Variants in KCNMB2 observed in about 807,000 individuals in gnomAD.
KCNMB2 encodes potassium calcium-activated channel subfamily M regulatory beta subunit 2.
In KCNMB2, 9 loss-of-function variants were observed where a neutral mutation model predicts 24.5. The observed-to-expected ratio is 0.37, with a 90% CI of 0.22 to 0.64. KCNMB2 has a LOEUF of 0.64. Among genes scored for constraint, KCNMB2 ranks in the 30% least tolerant of loss-of-function variants. KCNMB2 has a pLI of 0.63. For missense variants in KCNMB2, 226 were observed against 284.3 expected, an observed-to-expected ratio of 0.79 and a Z score of 1.47; for synonymous variants, 109 against 104.4, an observed-to-expected ratio of 1.04 and a Z score of -0.27.
rs116414843 is a variant in KCNMB2 at position 178,732,250 on chromosome 3, A to G, written c.-67-75093A>G. 6.6e-3 allele frequency among the ~76,000 whole-genome samples: 1,012 copies of G among 152,342 alleles called. 17 individuals are homozygous for G. The highest frequency in any genetic ancestry group is 0.023 in the African/African-American group (957 of 41,590). On this transcript the variant is annotated intron_variant, in intron 1 of 4. Coordinates refer to ENST00000452583, the MANE Select transcript of KCNMB2 (RefSeq NM_181361.3). ...TTTTTTAAAAGAATCTCTATTGAAAATAGATACTAATCTACAGTAGGTTTT... is the reference window on the plus strand; with the variant it reads ...TTTTTTAAAAGAATCTCTATTGAAAGTAGATACTAATCTACAGTAGGTTTT...
chr3:178,844,202 T>C lies in KCNMB2; in HGVS notation c.*1265T>C, dbSNP rs1177607386. ...ATCAAAAGAAGAAGACAAACATCTA[T>C]CTTTCTCATCTATATTTAAGTACCT... is the stretch of plus-strand genomic sequence containing the variant. On this transcript the variant is annotated 3_prime_UTR_variant, in exon 5 of 5. Coordinates refer to ENST00000452583, the MANE Select transcript of KCNMB2 (RefSeq NM_181361.3). 2 of 152,688 alleles carry C rather than the reference T, an allele frequency of 1.3e-5. No homozygotes were observed. The highest frequency in any genetic ancestry group is 1.9e-4 in the East Asian group (1 of 5,194). The allele number at this position is 152,688 out of a possible 1,614,324, so 9.5% of individuals were successfully genotyped here.
chr3:178,594,854 A>G (rs897034345), intron 1 of KCNMB2, among the ~76,000 whole-genome samples: 19 of 152,194 alleles, frequency 1.2e-4, no homozygotes, highest in African/African-American at 4.6e-4. Context: ...ACAATACTAA[A>G]GTTTCATATG....
intron 1 of KCNMB2, among the ~76,000 whole-genome samples, chr3:178,606,913 A>T (rs529277722): frequency 5.4e-4 from 83 of 152,332 alleles, no homozygotes; most frequent in Middle Eastern, 3.4e-3. Context: ...TCATGTGAAG[A>T]CACAGCAAAA....
At chr3:178,559,580 A>G (rs1716243106) in intron 1 of KCNMB2, among the ~76,000 whole-genome samples, 1 of 151,296 alleles carries the variant, frequency 6.6e-6, no homozygotes, top group Non-Finnish European at 1.5e-5. Flanking sequence ...TTATCCAAAT[A>G]TGTATTTTAT....
At chr3:178,824,577 T>G (rs1425718633) in intron 2 of KCNMB2, 1 of 167,558 alleles carries the variant, frequency 6.0e-6, no homozygotes, top group African/African-American at 2.4e-5. Context: ...GGTTTCACCA[T>G]GTTAGCCAGG....
intron 1 of KCNMB2, among the ~76,000 whole-genome samples, chr3:178,602,575 G>C (rs1022700377): frequency 1.7e-5 from 2 of 119,052 alleles, no homozygotes; most frequent in East Asian, 4.2e-4. Context: ...TTCGGGGGTG[G>C]GGGGGAGGAG....
chr3:178,664,660 A>T (rs1720654479), intron 1 of KCNMB2, among the ~76,000 whole-genome samples: 1 of 151,990 alleles, frequency 6.6e-6, no homozygotes, highest in East Asian at 1.9e-4. Flanking sequence ...TCTTTTTATA[A>T]ATCTCCCACA....
At position 178,757,335 on chromosome 3, in the gene KCNMB2, T is replaced by C. The variant is rs1292528821; in HGVS notation, c.-67-50008T>C. Among the ~76,000 whole-genome samples, 7 of 101,798 alleles carry C rather than the reference T, an allele frequency of 6.9e-5. 1 individual carries two copies. The highest frequency in any genetic ancestry group is 1.4e-4 in the Non-Finnish European group (7 of 51,610). 66.8% of individuals were successfully genotyped at this position (101,798 alleles called of 152,430 possible). ...ATCCAAGAGGACATATATATATGTA[T>C]ATATATCCAAGAGGATATATATATA... On this transcript the variant is annotated intron_variant, in intron 1 of 4. Coordinates refer to ENST00000452583, the MANE Select transcript of KCNMB2 (RefSeq NM_181361.3).
chr3:178,600,307 T>C (rs1429436527), intron 1 of KCNMB2, among the ~76,000 whole-genome samples: 2 of 152,222 alleles, frequency 1.3e-5, no homozygotes, highest in Non-Finnish European at 2.9e-5. Context: ...TGTTTATTCA[T>C]TTGTCCATCA....
chr3:178,704,568 C>CAA (rs1300371832), intron 1 of KCNMB2, among the ~76,000 whole-genome samples: 1 of 151,462 alleles, frequency 6.6e-6, no homozygotes, highest in East Asian at 1.9e-4. Context: ...TCTATCATTG[C>CAA]AAAAAAAAAT....
intron 1 of KCNMB2, among the ~76,000 whole-genome samples, chr3:178,796,805 C>T (rs934803406): frequency 1.3e-5 from 2 of 151,816 alleles, no homozygotes; most frequent in African/African-American, 2.4e-5. Flanking sequence ...AGTAGAAAAA[C>T]TTCAAATAAA....
At chr3:178,707,784 C>T (rs2108346963) in intron 1 of KCNMB2, among the ~76,000 whole-genome samples, 1 of 152,262 alleles carries the variant, frequency 6.6e-6, no homozygotes, top group South Asian at 2.1e-4. Flanking sequence ...AGAAACCTAG[C>T]TCAGATTCAT....
chr3:178,757,717 TATGTATATATATCC>T lies in KCNMB2; in HGVS notation c.-67-49624_-67-49611del, dbSNP rs1560005667. ...GTATATATATCCAAGAGGATATATA[TATGTATATATATCC>T]AAGAGGATATATATATATAAGAGGA... On this transcript the variant is annotated intron_variant, in intron 1 of 4. Coordinates refer to ENST00000452583, the MANE Select transcript of KCNMB2 (RefSeq NM_181361.3). 1.2e-3 allele frequency among the ~76,000 whole-genome samples: 95 copies of T among 82,244 alleles called. 9 individuals are homozygous for T. Among genetic ancestry groups the T allele is most frequent in the African/African-American group, 4.4e-3 (92 of 20,684 alleles). The allele number at this position is 82,244 out of a possible 152,430, so 54.0% of individuals were successfully genotyped here. A position where few individuals can be genotyped will look rare whatever the true frequency, so the allele number is the denominator to read the frequency against.
intron 2 of KCNMB2, 68 bp downstream of exon 2, chr3:178,807,533 C>A: frequency 1.5e-6 from 2 of 1,349,558 alleles, no homozygotes; most frequent in Non-Finnish European, 2.1e-6. Flanking sequence ...AGGATACTGA[C>A]AGGAAAGTAG....
At chr3:178,751,127 T>C (rs1270531930) in intron 1 of KCNMB2, among the ~76,000 whole-genome samples, 1 of 152,224 alleles carries the variant, frequency 6.6e-6, no homozygotes, top group Non-Finnish European at 1.5e-5. Context: ...TCCCCATTTA[T>C]TGAGTCAACA....
intron 1 of KCNMB2, among the ~76,000 whole-genome samples, chr3:178,666,491 G>C (rs578066437): frequency 6.6e-4 from 101 of 152,136 alleles, no homozygotes; most frequent in African/African-American, 2.3e-3. Flanking sequence ...CCAGAGGAAG[G>C]GTGTACAATG....
chr3:178,821,623 A>G (rs1472367826), intron 2 of KCNMB2, among the ~76,000 whole-genome samples: 1 of 152,118 alleles, frequency 6.6e-6, no homozygotes, highest in Non-Finnish European at 1.5e-5. Flanking sequence ...ATAAATGTAC[A>G]ATCACTTTCT....
At chr3:178,745,914 G>T (rs556843284) in intron 1 of KCNMB2, among the ~76,000 whole-genome samples, 11 of 152,308 alleles carry the variant, frequency 7.2e-5, no homozygotes, top group Admixed American at 6.5e-4. Context: ...CTGTGGCTTT[G>T]CAGGGTACAG....
chr3:178,737,706 GA>G (rs1723362830), intron 1 of KCNMB2, among the ~76,000 whole-genome samples: 1 of 152,016 alleles, frequency 6.6e-6, no homozygotes, highest in Non-Finnish European at 1.5e-5. Context: ...ACTTTAGTAT[GA>G]AAAAAAGACT....
Sources: allele counts gnomAD v4.1 joint callset (sites outside exome capture counted in the v4.1 genomes callset), GRCh38; gene constraint gnomAD v4.1.1; transcripts MANE v1.5; gene names NCBI Gene and HGNC (gene_info 2026-07-23, HGNC 2026-07-21).